ALPK1: variants seen among roughly 807,000 people sequenced by gnomAD.
The protein encoded by ALPK1 is alpha-protein kinase 1.
Under a neutral mutation model 120.6 loss-of-function variants are expected in ALPK1, and 110 were observed. That is an observed-to-expected ratio of 0.91 (90% CI 0.78 to 1.07). The LOEUF is 1.07. ALPK1 is among the 50% of genes least tolerant of loss of function. The pLI is 0.00. For synonymous variants in ALPK1, 582 were observed against 560.3 expected, an observed-to-expected ratio of 1.04 and a Z score of -0.55; for missense variants, 1,498 against 1,483.9, an observed-to-expected ratio of 1.01 and a Z score of -0.16.
At chr4:112,401,028 G>A (rs1732887531) in intron 4 of ALPK1, among the ~76,000 whole-genome samples, 1 of 152,140 alleles carries the variant, frequency 6.6e-6, no homozygotes, top group Admixed American at 6.5e-5. Flanking sequence ...GGAATCACCT[G>A]GGATTGTTAA....
intron 2 of ALPK1, chr4:112,343,122 T>C (rs569382973): frequency 6.6e-6 from 1 of 152,360 alleles, no homozygotes; most frequent in East Asian, 1.9e-4. Context: ...GCTTCTCCAG[T>C]TTTCCTCCTG....
chr4:112,309,091 C>A (rs1301469064), intron 1 of ALPK1, among the ~76,000 whole-genome samples: 1 of 152,144 alleles, frequency 6.6e-6, no homozygotes, highest in Non-Finnish European at 1.5e-5. Flanking sequence ...ATGTTGCTGC[C>A]TGATCGTTCC....
chr4:112,368,546 G>T lies in ALPK1; in HGVS notation c.-100-9132G>T, dbSNP rs377606541. On this transcript the variant is annotated intron_variant, in intron 2 of 15. Coordinates refer to ENST00000650871, the MANE Select transcript of ALPK1 (RefSeq NM_025144.4). ...TCATGCGTCTTAGTATTTTATGGGT[G>T]GGAATTCTTTGAAGCTTGGATTGAG... Among the ~76,000 whole-genome samples the T allele has an allele frequency of 4.3e-4, 65 of 152,244 alleles. 1 individual carries two copies. Among genetic ancestry groups the T allele is most frequent in the African/African-American group, 1.5e-3 (61 of 41,548 alleles).
intron 3 of ALPK1, among the ~76,000 whole-genome samples, chr4:112,381,842 A>G (rs1280254817): frequency 6.6e-6 from 1 of 152,238 alleles, no homozygotes; most frequent in Non-Finnish European, 1.5e-5. Context: ...TAATACATCT[A>G]CTAATGTGAA....
intron 9 of ALPK1, 179 bp downstream of exon 9, chr4:112,427,844 C>CCCAG (rs1239375019): frequency 1.7e-6 from 1 of 574,124 alleles, no homozygotes; most frequent in African/African-American, 1.9e-5. Flanking sequence ...GCTTTATTAT[C>CCCAG]CCAGCGCCTA....
intron 2 of ALPK1, among the ~76,000 whole-genome samples, chr4:112,373,132 T>C (rs1428025078): frequency 6.6e-6 from 1 of 152,218 alleles, no homozygotes; most frequent in East Asian, 1.9e-4. Context: ...CCACCAAATG[T>C]ATATTTTAAT....
intron 2 of ALPK1, among the ~76,000 whole-genome samples, chr4:112,344,347 C>T (rs2148707647): frequency 6.6e-6 from 1 of 152,308 alleles, no homozygotes; most frequent in East Asian, 1.9e-4. Flanking sequence ...AAGCAATGAT[C>T]TTTCCAATGT....
chr4:112,312,523 C>T (rs1014288902), intron 1 of ALPK1, among the ~76,000 whole-genome samples: 6 of 152,214 alleles, frequency 3.9e-5, no homozygotes, highest in African/African-American at 1.4e-4. Context: ...CCGCCCACCT[C>T]GGCCTTCCAA....
intron 4 of ALPK1, among the ~76,000 whole-genome samples, chr4:112,393,988 A>C (rs1401923077): frequency 1.3e-5 from 2 of 152,186 alleles, no homozygotes; most frequent in East Asian, 3.8e-4. Flanking sequence ...TTATTTCTCC[A>C]TCAAATGATA....
At chr4:112,341,289 G>T (rs1357791797) in intron 2 of ALPK1, among the ~76,000 whole-genome samples, 1 of 152,188 alleles carries the variant, frequency 6.6e-6, no homozygotes, top group Non-Finnish European at 1.5e-5. Context: ...GGGCTGCATG[G>T]CCAGATTAGT....
chr4:112,409,834 G>A (rs1733371841), intron 4 of ALPK1, among the ~76,000 whole-genome samples: 1 of 152,094 alleles, frequency 6.6e-6, no homozygotes, highest in South Asian at 2.1e-4. Flanking sequence ...AACATCGAGA[G>A]GAGAGAAGAG....
At chr4:112,352,245 C>G (rs1318453423) in intron 2 of ALPK1, among the ~76,000 whole-genome samples, 1 of 152,074 alleles carries the variant, frequency 6.6e-6, no homozygotes, top group Non-Finnish European at 1.5e-5. Flanking sequence ...TGATGAATAC[C>G]CAAAGACCAA....
Position 112,431,919 on chromosome 4 carries a change from C to T in ALPK1, c.2372C>T (p.Thr791Ile). 7.4e-6 allele frequency: 12 copies of T among 1,614,048 alleles called. No homozygotes were observed. Among genetic ancestry groups the T allele is most frequent in the Non-Finnish European group, 1.0e-5 (12 of 1,180,048 alleles). ...TCCTGGGTTGACCCAGAAGGAGAAA[C>T]AGCAGAAAGCACTGAAGATGCACCC... ...SPSWVDPEGE[T>I]AESTEDAPLD... Residue 791 changes from threonine to isoleucine, a missense_variant, in exon 11 of 16, where the codon ACA becomes ATA. By Grantham distance (89) the Thr-to-Ile change is moderately conservative (BLOSUM62 -1). Coordinates refer to ENST00000650871, the MANE Select transcript of ALPK1 (RefSeq NM_025144.4).
At chr4:112,320,474 A>G (rs1228498531) in intron 2 of ALPK1, among the ~76,000 whole-genome samples, 1 of 152,112 alleles carries the variant, frequency 6.6e-6, no homozygotes, top group Non-Finnish European at 1.5e-5. Flanking sequence ...TTTTGCATCT[A>G]TGTTCATAAG....
intron 4 of ALPK1, among the ~76,000 whole-genome samples, chr4:112,402,029 G>T (rs1275417002): frequency 6.6e-6 from 1 of 152,166 alleles, no homozygotes; most frequent in Non-Finnish European, 1.5e-5. Flanking sequence ...ATTGACTTGA[G>T]TCCACCAGTT....
intron 2 of ALPK1, among the ~76,000 whole-genome samples, chr4:112,331,034 A>G (rs1729346692): frequency 6.6e-6 from 1 of 152,180 alleles, no homozygotes; most frequent in Non-Finnish European, 1.5e-5. Context: ...TTCCCTCCTC[A>G]TCCCTCAGGT....
intron 2 of ALPK1, among the ~76,000 whole-genome samples, chr4:112,323,634 A>AT (rs1292955951): frequency 6.6e-6 from 1 of 152,162 alleles, no homozygotes; most frequent in African/African-American, 2.4e-5. Context: ...TAAAGTTGCC[A>AT]TTTTTGCCTT....
chr4:112,350,928 T>C (rs920115707), intron 2 of ALPK1, among the ~76,000 whole-genome samples: 8 of 152,162 alleles, frequency 5.3e-5, no homozygotes, highest in Admixed American at 3.9e-4. Context: ...GTGAGCGTTC[T>C]CTCATTTGGG....
chr4:112,435,096 A>G, intron 11 of ALPK1, 52 bp from the exon 12 acceptor site: 1 of 1,565,948 alleles, frequency 6.4e-7, no homozygotes, highest in East Asian at 2.2e-5. Flanking sequence ...TTATTCATGA[A>G]TTGTAACGTC....
Sources: gnomAD v4.1 joint callset for allele counts (sites outside exome capture counted in the v4.1 genomes callset) on GRCh38, gnomAD v4.1.1 for gene constraint, MANE v1.5 for transcripts, NCBI Gene and HGNC (gene_info 2026-07-23, HGNC 2026-07-21) for gene names.